The following SCAI variants were observed in gnomAD, a reference collection of about 807,000 sequenced individuals.
The protein encoded by SCAI is suppressor of cancer cell invasion, also known as protein SCAI.
In SCAI, 24 loss-of-function variants were observed where a neutral mutation model predicts 92.2. The observed-to-expected ratio is 0.26, with a 90% confidence interval of 0.19 to 0.37. SCAI has a LOEUF of 0.37. SCAI is among the 10% of genes least tolerant of loss of function. The pLI, the probability that SCAI is intolerant of heterozygous loss-of-function variation, is 1.00. For synonymous variants in SCAI, 261 were observed against 258.6 expected, an observed-to-expected ratio of 1.01 and a Z score of -0.09; for missense variants, 450 against 736.2, an observed-to-expected ratio of 0.61 and a Z score of 4.50.
chr9:124,961,310 G>A (rs1831430510), intron 17 of SCAI, among the ~76,000 whole-genome samples: 1 of 151,398 alleles, frequency 6.6e-6, no homozygotes, highest in African/African-American at 2.4e-5. Flanking sequence ...TATGCATGAT[G>A]AAGTGTTTGT....
At position 124,968,368 on chromosome 9, in the gene SCAI, C is replaced by T. The variant is rs1429270740; in HGVS notation, c.1674+3002G>A. 23 of 1,194,062 alleles carry T rather than the reference C, an allele frequency of 1.9e-5. No homozygotes were observed. In the East Asian group the frequency reaches 2.1e-4, roughly 11 times the overall value. The allele number at this position is 1,194,062 out of a possible 1,614,324, so 74.0% of individuals were successfully genotyped here. ...TTTAAGGCTTTAGTGAGCTCTGCAG[C>T]GAGCACATCATGGAGGGACACGCAA... On this transcript the variant is annotated intron_variant, in intron 17 of 17. Coordinates refer to ENST00000336505, the MANE Select transcript of SCAI (RefSeq NM_001144877.3).
intron 13 of SCAI, among the ~76,000 whole-genome samples, chr9:124,997,875 CAA>C (rs35502581): frequency 7.2e-4 from 80 of 111,122 alleles, no homozygotes; most frequent in East Asian, 7.6e-4. Flanking sequence ...AACTCTGTCT[CAA>C]AAAAAAAAAA....
Position 125,028,403 on chromosome 9 carries a change from G to C in SCAI, c.402C>G (p.Tyr134Ter). ...TGTAATTTACTTACTAATAATGATA[G>C]TATAGCTGCCCAATCTTGGAAGCAA... The part of the protein sequence containing the change: ...GEIASKIGQL[Y>*]YHYYLRTSET... The change falls in exon 5 of 18, where the codon TAC (tyrosine) becomes TAG (stop). Residue 134 changes from tyrosine to a stop codon, truncating the protein, a stop_gained. Coordinates refer to ENST00000336505, the MANE Select transcript of SCAI (RefSeq NM_001144877.3). LOFTEE classifies it high-confidence loss of function. The C allele has an allele frequency of 6.3e-7, 1 of 1,576,182 alleles. No homozygotes were observed. The highest frequency in any genetic ancestry group is 8.7e-7 in the Non-Finnish European group (1 of 1,153,134).
chr9:124,992,447 G>C (rs563554265), intron 14 of SCAI, among the ~76,000 whole-genome samples: 75 of 151,132 alleles, frequency 5.0e-4, no homozygotes, highest in African/African-American at 1.7e-3. Flanking sequence ...GCAATGGCAC[G>C]ATCTTGGCTC....
At chr9:125,056,592 T>A (rs1833672604) in intron 2 of SCAI, among the ~76,000 whole-genome samples, 5 of 152,258 alleles carry the variant, frequency 3.3e-5, no homozygotes. Context: ...TGAATGCCTG[T>A]TATGTTCTAG....
At chr9:124,992,377 TTTTCA>T (rs987324001) in intron 14 of SCAI, among the ~76,000 whole-genome samples, 1 of 151,190 alleles carries the variant, frequency 6.6e-6, no homozygotes, top group Admixed American at 6.6e-5. Context: ...TGGGGTTCTC[TTTTCA>T]TTTCTTTTTT....
Position 124,951,840 on chromosome 9 carries a change from T to A in SCAI, c.*967A>T, listed in dbSNP as rs1831239929. Reference sequence around the variant, plus strand: ...ACTAAATACAGGGAATGTTAATAAATCTTATTTCCAAATTACCAATGCAAA... The same window carrying A: ...ACTAAATACAGGGAATGTTAATAAAACTTATTTCCAAATTACCAATGCAAA... On this transcript the variant is annotated 3_prime_UTR_variant, in exon 18 of 18. Coordinates refer to ENST00000336505, the MANE Select transcript of SCAI (RefSeq NM_001144877.3). 6.6e-6 allele frequency: 1 copy of A among 152,200 alleles called. No homozygotes were observed. The highest frequency in any genetic ancestry group is 6.5e-5 in the Admixed American group (1 of 15,276). 9.4% of individuals were successfully genotyped at this position (152,200 alleles called of 1,614,324 possible).
At chr9:125,109,634 C>T (rs1834891127) in intron 2 of SCAI, among the ~76,000 whole-genome samples, 1 of 151,234 alleles carries the variant, frequency 6.6e-6, no homozygotes, top group East Asian at 1.9e-4. Context: ...GAAGCAACTA[C>T]TTAAATCAAG....
intron 14 of SCAI, among the ~76,000 whole-genome samples, chr9:124,976,932 G>A (rs769523085): frequency 7.3e-5 from 11 of 151,164 alleles, no homozygotes; most frequent in Middle Eastern, 6.9e-3. Flanking sequence ...GCAATGGCAC[G>A]ATCTCGGTTC....
chr9:125,062,733 AAAC>A (rs1174915397), intron 2 of SCAI, among the ~76,000 whole-genome samples: 10 of 150,730 alleles, frequency 6.6e-5, no homozygotes, highest in South Asian at 2.1e-4. Flanking sequence ...ACAAACAAAC[AAAC>A]AAAGGCCGGG....
chr9:125,032,763 G>A (rs193117013), intron 3 of SCAI, among the ~76,000 whole-genome samples: 7 of 151,668 alleles, frequency 4.6e-5, no homozygotes, highest in Non-Finnish European at 7.4e-5. Flanking sequence ...ACAGGCGCCC[G>A]TCACCACGCC....
intron 2 of SCAI, among the ~76,000 whole-genome samples, chr9:125,057,617 G>A (rs1315186543): frequency 1.3e-5 from 2 of 152,162 alleles, no homozygotes. Context: ...TATAAGCTAC[G>A]TGAGGAGGCC....
At chr9:124,970,017 C>T (rs1421834686) in intron 17 of SCAI, among the ~76,000 whole-genome samples, 1 of 152,128 alleles carries the variant, frequency 6.6e-6, no homozygotes, top group East Asian at 1.9e-4. Flanking sequence ...CCATGTCTGG[C>T]TAATTTTTGT....
chr9:124,959,118 T>C (rs542419917), intron 17 of SCAI, among the ~76,000 whole-genome samples: 4 of 151,784 alleles, frequency 2.6e-5, no homozygotes, highest in Non-Finnish European at 4.4e-5. Flanking sequence ...TTCTCATTGT[T>C]CAATGGGAGG....
intron 2 of SCAI, among the ~76,000 whole-genome samples, chr9:125,123,597 A>T (rs550946627): frequency 7.9e-5 from 12 of 152,286 alleles, no homozygotes; most frequent in African/African-American, 2.4e-4. Flanking sequence ...TAACACGTGA[A>T]ACCCCGTCTC....
At chr9:125,120,411 A>G (rs867486645) in intron 2 of SCAI, among the ~76,000 whole-genome samples, 4 of 152,148 alleles carry the variant, frequency 2.6e-5, no homozygotes, top group Non-Finnish European at 5.9e-5. Context: ...CAGGAGGAAG[A>G]GCCAGGCGCA....
At chr9:124,984,587 C>T (rs921420647) in intron 14 of SCAI, among the ~76,000 whole-genome samples, 1 of 152,032 alleles carries the variant, frequency 6.6e-6, no homozygotes, top group East Asian at 1.9e-4. Context: ...GAGGAGTAGT[C>T]AAGTACGAAA....
intron 2 of SCAI, among the ~76,000 whole-genome samples, chr9:125,117,680 A>AAAG (rs1835075813): frequency 6.6e-6 from 1 of 151,474 alleles, no homozygotes; most frequent in East Asian, 1.9e-4. Flanking sequence ...AAAAAAAAAA[A>AAAG]AAAAAAAAAG....
At chr9:125,087,063 G>A (rs1180848961) in intron 2 of SCAI, among the ~76,000 whole-genome samples, 2 of 152,014 alleles carry the variant, frequency 1.3e-5, no homozygotes, top group African/African-American at 4.8e-5. Context: ...GGCAAACTAG[G>A]ACATATGGTC....
Sources: allele counts gnomAD v4.1 joint callset (sites outside exome capture counted in the v4.1 genomes callset), GRCh38; gene constraint gnomAD v4.1.1; transcripts MANE v1.5; gene names NCBI Gene and HGNC (gene_info 2026-07-23, HGNC 2026-07-21).